The following ACSS3 variants were observed in gnomAD, a reference collection of about 807,000 sequenced individuals.
ACSS3 encodes the protein acyl-CoA synthetase short-chain family member 3, mitochondrial.
In ACSS3, 64 loss-of-function variants were observed where a neutral mutation model predicts 84.2. The observed-to-expected ratio is 0.76, with a 90% CI of 0.62 to 0.94. The LOEUF (loss-of-function observed/expected upper bound fraction) is 0.94. Ranked by LOEUF, ACSS3 falls within the 40% of genes least tolerant of loss-of-function variation. The pLI, the probability that ACSS3 is intolerant of heterozygous loss-of-function variation, is 0.00. For synonymous variants in ACSS3, 317 were observed against 310.1 expected (o/e 1.02, Z -0.23); for missense variants, 815 against 867.6 (o/e 0.94, Z 0.76).
chr12:81,131,586 A>G (rs569806220), intron 2 of ACSS3, among the ~76,000 whole-genome samples: 1 of 152,236 alleles, frequency 6.6e-6, no homozygotes, highest in Admixed American at 6.5e-5. Flanking sequence ...GGACAATTTG[A>G]CTTACTCTTT....
intron 1 of ACSS3, among the ~76,000 whole-genome samples, chr12:81,105,752 ATTC>A (rs1329838909): frequency 2.0e-5 from 3 of 152,220 alleles, no homozygotes; most frequent in African/African-American, 7.2e-5. Flanking sequence ...ACAGTGTCAT[ATTC>A]TTCTTGTAGT....
At chr12:81,153,892 A>G (rs1886740113) in intron 7 of ACSS3, among the ~76,000 whole-genome samples, 1 of 152,170 alleles carries the variant, frequency 6.6e-6, no homozygotes, top group African/African-American at 2.4e-5. Flanking sequence ...AAGAAATATT[A>G]AGGTAGACTT....
chr12:81,133,258 G>A (rs1885618502), intron 2 of ACSS3, among the ~76,000 whole-genome samples: 1 of 152,008 alleles, frequency 6.6e-6, no homozygotes, highest in Admixed American at 6.6e-5. Context: ...GAAAGTAGGA[G>A]AGACAAAAAT....
chr12:81,242,293 G>A (rs186629723), intron 13 of ACSS3, among the ~76,000 whole-genome samples: 7 of 152,146 alleles, frequency 4.6e-5, no homozygotes, highest in East Asian at 3.9e-4. Context: ...ATACACTCTC[G>A]CAAGACCAAA....
At chr12:81,128,532 A>G (rs545145522) in intron 2 of ACSS3, among the ~76,000 whole-genome samples, 2 of 152,286 alleles carry the variant, frequency 1.3e-5, no homozygotes, top group African/African-American at 4.8e-5. Context: ...CTGAAAATCA[A>G]TTTTACTGGT....
intron 12 of ACSS3, among the ~76,000 whole-genome samples, chr12:81,232,119 G>A (rs2033485063): frequency 6.6e-6 from 1 of 151,802 alleles, no homozygotes; most frequent in African/African-American, 2.4e-5. Flanking sequence ...GAGTGTGGCA[G>A]GGAAGATTTG....
intron 7 of ACSS3, among the ~76,000 whole-genome samples, chr12:81,152,860 G>A (rs956592367): frequency 6.7e-6 from 1 of 149,482 alleles, no homozygotes; most frequent in Non-Finnish European, 1.5e-5. Flanking sequence ...AAAAAATACA[G>A]AAATGAAATA....
intron 2 of ACSS3, among the ~76,000 whole-genome samples, chr12:81,125,018 T>C (rs1036442562): frequency 1.3e-5 from 2 of 152,082 alleles, no homozygotes; most frequent in African/African-American, 4.8e-5. Flanking sequence ...ATCGAAACCA[T>C]CCTGGCTAAC....
intron 8 of ACSS3, among the ~76,000 whole-genome samples, chr12:81,179,372 C>T (rs2030752895): frequency 6.8e-6 from 1 of 148,028 alleles, no homozygotes; most frequent in Admixed American, 6.7e-5. Flanking sequence ...GCAAAAGAAA[C>T]TATCAACAGA....
intron 9 of ACSS3, among the ~76,000 whole-genome samples, chr12:81,206,209 C>G (rs2032338430): frequency 6.6e-6 from 1 of 151,998 alleles, no homozygotes; most frequent in African/African-American, 2.4e-5. Context: ...CTGAGTCTAT[C>G]AAAATTGCAC....
chr12:81,156,906 T>C (rs1886903877), intron 7 of ACSS3, among the ~76,000 whole-genome samples: 2 of 152,180 alleles, frequency 1.3e-5, no homozygotes, highest in Non-Finnish European at 2.9e-5. Flanking sequence ...CTGTATTCCA[T>C]GTGCCATCTA....
intron 1 of ACSS3, among the ~76,000 whole-genome samples, chr12:81,106,521 C>T (rs1336109908): frequency 2.0e-5 from 3 of 152,210 alleles, no homozygotes; most frequent in East Asian, 1.9e-4. Flanking sequence ...CATCCTGAAA[C>T]CATACCCTTC....
intron 9 of ACSS3, among the ~76,000 whole-genome samples, chr12:81,201,885 A>G (rs755764097): frequency 1.2e-4 from 18 of 152,194 alleles, no homozygotes; most frequent in African/African-American, 1.7e-4. Flanking sequence ...GGTGATGCAG[A>G]GGTTGGCTAA....
chr12:81,109,792 C>G, intron 2 of ACSS3, 88 bp downstream of exon 2: 2 of 1,071,280 alleles, frequency 1.9e-6, no homozygotes, highest in Non-Finnish European at 2.6e-6. Context: ...GCCTTCAATT[C>G]TCTAATGCAT....
At chr12:81,140,573 G>A (rs1053136265) in intron 4 of ACSS3, among the ~76,000 whole-genome samples, 1 of 152,186 alleles carries the variant, frequency 6.6e-6, no homozygotes, top group Non-Finnish European at 1.5e-5. Context: ...AAATTCCTGT[G>A]TAAAGTTTTA....
intron 12 of ACSS3, among the ~76,000 whole-genome samples, chr12:81,232,538 C>G (rs2033501215): frequency 6.6e-6 from 1 of 151,656 alleles, no homozygotes; most frequent in African/African-American, 2.4e-5. Context: ...GTATTAATTG[C>G]AGTAAAATTA....
intron 7 of ACSS3, among the ~76,000 whole-genome samples, chr12:81,167,937 A>G (rs1010513621): frequency 1.3e-5 from 2 of 152,204 alleles, no homozygotes; most frequent in Non-Finnish European, 2.9e-5. Flanking sequence ...ACTATGTGGG[A>G]CCTACCACAA....
intron 13 of ACSS3, among the ~76,000 whole-genome samples, chr12:81,249,770 C>T (rs2034094051): frequency 6.6e-6 from 1 of 152,044 alleles, no homozygotes; most frequent in Admixed American, 6.6e-5. Flanking sequence ...TTTTAAAAAT[C>T]TGTCTTCTTC....
intron 9 of ACSS3, among the ~76,000 whole-genome samples, chr12:81,210,458 G>C (rs936237201): frequency 7.2e-5 from 11 of 152,106 alleles, no homozygotes; most frequent in African/African-American, 2.7e-4. Context: ...CCTACACATA[G>C]AGTACAACAG....
Sources: allele counts gnomAD v4.1 joint callset (sites outside exome capture counted in the v4.1 genomes callset), GRCh38; gene constraint gnomAD v4.1.1; transcripts MANE v1.5; gene names NCBI Gene and HGNC (gene_info 2026-07-23, HGNC 2026-07-21).